CSMD1: variants seen among roughly 807,000 people sequenced by gnomAD.
CSMD1 encodes CUB and sushi domain-containing protein 1.
A neutral mutation model predicts 417.5 loss-of-function variants in CSMD1; 213 were observed. The ratio of observed to expected loss-of-function variants is 0.51; its 90% confidence interval spans 0.46 to 0.57. CSMD1 has a LOEUF of 0.57. Ranked by LOEUF, CSMD1 falls within the 20% of genes least tolerant of loss-of-function variation. The probability of loss-of-function intolerance (pLI) is 0.00; values close to 1 mark genes in which losing one functional copy is unlikely to be tolerated. For synonymous variants in CSMD1, 2,862 were observed against 1,736.8 expected (o/e 1.65, Z -16.11); for missense variants, 6,923 against 4,529.7 (o/e 1.53, Z -15.17).
intron 12 of CSMD1, among the ~76,000 whole-genome samples, chr8:3,417,063 T>C (rs1174316070): frequency 1.3e-5 from 2 of 152,234 alleles, no homozygotes; most frequent in African/African-American, 4.8e-5. Flanking sequence ...CACCACGTTC[T>C]GCTCCCACGG....
intron 4 of CSMD1, among the ~76,000 whole-genome samples, chr8:4,011,982 C>T (rs1356127911): frequency 6.6e-6 from 1 of 151,480 alleles, no homozygotes; most frequent in African/African-American, 2.4e-5. Context: ...ATAAATGTCA[C>T]AGAAATGGCT....
chr8:3,786,947 G>A (rs1276082154), intron 5 of CSMD1, among the ~76,000 whole-genome samples: 1 of 152,128 alleles, frequency 6.6e-6, no homozygotes, highest in African/African-American at 2.4e-5. Flanking sequence ...GAATTTGGAT[G>A]GACACCGGCA....
At chr8:4,860,814 T>A (rs1474097624) in intron 1 of CSMD1, among the ~76,000 whole-genome samples, 1 of 152,130 alleles carries the variant, frequency 6.6e-6, no homozygotes, top group Non-Finnish European at 1.5e-5. Flanking sequence ...CTGTAATCAT[T>A]TGCAGTGTCC....
chr8:2,954,241 G>T lies in CSMD1; in HGVS notation c.10022C>A (p.Thr3341Lys). ...KSKGVREVNE[T>K]VTKTPVPSDV... The stretch of plus-strand genomic sequence containing the variant: ...ATACAAACCTGGAGTTTTAGTAACT[G>T]TTTCATTAACTTCTCTCACTCCTTT... Residue 3341 changes from threonine to lysine, a missense_variant, in exon 65 of 70, where the codon ACA becomes AAA. Transcript: ENST00000635120. 1.3e-6 allele frequency: 2 copies of T among 1,500,348 alleles called. No homozygotes were observed. Among genetic ancestry groups the T allele is most frequent in the Non-Finnish European group, 9.0e-7 (1 of 1,107,216 alleles). 92.9% of individuals were successfully genotyped at this position (1,500,348 alleles called of 1,614,324 possible). A position where few individuals can be genotyped will look rare whatever the true frequency, so the allele number is the denominator to read the frequency against.
At chr8:3,237,655 T>A (rs1220584543) in intron 26 of CSMD1, among the ~76,000 whole-genome samples, 1 of 144,322 alleles carries the variant, frequency 6.9e-6, no homozygotes, top group African/African-American at 2.5e-5. Context: ...ATTTTTTAAA[T>A]TATACTATAA....
intron 9 of CSMD1, 42 bp from the exon 10 acceptor site, chr8:3,575,108 G>T (rs867286976): frequency 1.3e-6 from 2 of 1,597,184 alleles, no homozygotes; most frequent in Middle Eastern, 1.9e-4. Context: ...ACAACATTGT[G>T]TCAGTTTGGT....
chr8:4,758,677 T>C (rs2117083736), intron 1 of CSMD1, among the ~76,000 whole-genome samples: 1 of 152,248 alleles, frequency 6.6e-6, no homozygotes, highest in Admixed American at 6.5e-5. Flanking sequence ...AAAGGAATAG[T>C]GGACACATCT....
chr8:4,956,937 C>T (rs1392042729), intron 1 of CSMD1, among the ~76,000 whole-genome samples: 1 of 152,180 alleles, frequency 6.6e-6, no homozygotes, highest in African/African-American at 2.4e-5. Flanking sequence ...GCACTGGACA[C>T]AAGGGAGGAA....
At chr8:3,487,789 G>C (rs1366938279) in intron 11 of CSMD1, among the ~76,000 whole-genome samples, 6 of 152,106 alleles carry the variant, frequency 3.9e-5, no homozygotes, top group Non-Finnish European at 7.4e-5. Context: ...AGTGCTAAAA[G>C]AATCCCATGG....
intron 3 of CSMD1, among the ~76,000 whole-genome samples, chr8:4,214,324 G>A (rs533825763): frequency 1.1e-4 from 16 of 152,230 alleles, no homozygotes; most frequent in Non-Finnish European, 2.1e-4. Flanking sequence ...TTGAGAAAAG[G>A]TCTCACTCTG....
chr8:4,354,507 G>C (rs1338311090), intron 3 of CSMD1, among the ~76,000 whole-genome samples: 1 of 152,132 alleles, frequency 6.6e-6, no homozygotes, highest in South Asian at 2.1e-4. Context: ...TCAGAGTCAT[G>C]AATGTTTAAT....
intron 10 of CSMD1, among the ~76,000 whole-genome samples, chr8:3,538,497 C>CGATGACTCACCTGA (rs1798299918): frequency 6.6e-6 from 1 of 151,802 alleles, no homozygotes; most frequent in Non-Finnish European, 1.5e-5. Context: ...GCCTCACCTG[C>CGATGACTCACCTGA]GATGCCTCAC....
intron 3 of CSMD1, among the ~76,000 whole-genome samples, chr8:4,074,710 C>T (rs1425324571): frequency 1.3e-5 from 2 of 151,728 alleles, no homozygotes; most frequent in Non-Finnish European, 2.9e-5. Flanking sequence ...ATTGAGATTC[C>T]AGACCATTTA....
intron 49 of CSMD1, among the ~76,000 whole-genome samples, chr8:3,076,147 G>C (rs144751088): frequency 2.8e-4 from 42 of 152,270 alleles, no homozygotes; most frequent in African/African-American, 9.1e-4. Context: ...ACACACCACA[G>C]AACAACAGAA....
chr8:4,646,067 G>C (rs775529862), intron 1 of CSMD1, among the ~76,000 whole-genome samples: 1 of 152,114 alleles, frequency 6.6e-6, no homozygotes, highest in Non-Finnish European at 1.5e-5. Context: ...CCTGAAACAG[G>C]TGACAATCTA....
intron 2 of CSMD1, among the ~76,000 whole-genome samples, chr8:4,450,160 GA>G (rs1344411080): frequency 5.3e-5 from 8 of 152,236 alleles, no homozygotes; most frequent in African/African-American, 1.9e-4. Flanking sequence ...CAAAATGGTT[GA>G]TATACGTAGA....
intron 63 of CSMD1, among the ~76,000 whole-genome samples, 163 bp downstream of exon 63, chr8:2,957,533 G>T (rs972810594): frequency 1.6e-4 from 25 of 152,292 alleles, no homozygotes; most frequent in African/African-American, 6.0e-4. Flanking sequence ...TCCAGCCAAT[G>T]GTTATGCTGC....
At chr8:4,181,540 T>C (rs572918491) in intron 3 of CSMD1, among the ~76,000 whole-genome samples, 2 of 152,244 alleles carry the variant, frequency 1.3e-5, no homozygotes, top group South Asian at 4.1e-4. Context: ...TAAGAAAGTT[T>C]ATGAATTTGT....
intron 1 of CSMD1, among the ~76,000 whole-genome samples, chr8:4,811,321 G>C (rs1269913154): frequency 1.3e-5 from 2 of 152,154 alleles, no homozygotes; most frequent in Non-Finnish European, 2.9e-5. Context: ...TTGACTCGGA[G>C]AGAGAAGTTT....
Sources: allele counts gnomAD v4.1 joint callset (sites outside exome capture counted in the v4.1 genomes callset), GRCh38; gene constraint gnomAD v4.1.1; transcripts MANE v1.5; gene names NCBI Gene and HGNC (gene_info 2026-07-23, HGNC 2026-07-21).